Variants in MAST2 observed in about 807,000 individuals in gnomAD.
MAST2 encodes microtubule associated serine/threonine kinase 2.
MAST2 carries 70 observed loss-of-function variants against 147.4 expected under a neutral mutation model. That is an observed-to-expected ratio of 0.47 (90% confidence interval 0.39 to 0.58). The LOEUF (loss-of-function observed/expected upper bound fraction) is 0.58. MAST2 is among the 20% of genes least tolerant of loss of function. The pLI is 0.00. For missense variants in MAST2, 2,080 were observed against 2,302.3 expected, an observed-to-expected ratio of 0.90 and a Z score of 1.98; for synonymous variants, 869 against 896.8, an observed-to-expected ratio of 0.97 and a Z score of 0.55.
intron 2 of MAST2, among the ~76,000 whole-genome samples, chr1:45,827,935 C>T (rs1557810380): frequency 6.6e-6 from 1 of 152,028 alleles, no homozygotes; most frequent in Non-Finnish European, 1.5e-5. Context: ...AGGTGATCCT[C>T]CCCGCTTCTC....
At chr1:45,965,838 C>G (rs1661114246) in intron 5 of MAST2, among the ~76,000 whole-genome samples, 1 of 152,082 alleles carries the variant, frequency 6.6e-6, no homozygotes, top group South Asian at 2.1e-4. Context: ...ATTATCAGCT[C>G]CCTACCAGAG....
chr1:45,959,255 C>A, intron 4 of MAST2, 131 bp from the exon 5 acceptor site: 1 of 612,158 alleles, frequency 1.6e-6, no homozygotes, highest in Non-Finnish European at 2.9e-6. Flanking sequence ...AATTGCTGAC[C>A]CAGTTCAGTT....
intron 3 of MAST2, among the ~76,000 whole-genome samples, chr1:45,844,784 A>G (rs1003983858): frequency 6.6e-6 from 1 of 152,094 alleles, no homozygotes; most frequent in Non-Finnish European, 1.5e-5. Flanking sequence ...TTGTTGGTTG[A>G]TTGGTTTGTT....
chr1:46,001,785 GCTT>G (rs914320757), intron 6 of MAST2, among the ~76,000 whole-genome samples: 5 of 152,176 alleles, frequency 3.3e-5, no homozygotes, highest in East Asian at 1.9e-4. Context: ...ATTCCTTTTT[GCTT>G]CTTCTTCTCC....
At chr1:45,959,321 A>G in intron 4 of MAST2, 65 bp from the exon 5 acceptor site, 1 of 1,327,836 alleles carries the variant, frequency 7.5e-7, no homozygotes, top group Non-Finnish European at 1.1e-6. Context: ...TTCCTTAAAA[A>G]CCACTCAAGG....
At chr1:45,838,215 CTTTTTTTTT>C (rs61696475) in intron 3 of MAST2, among the ~76,000 whole-genome samples, 3 of 97,986 alleles carry the variant, frequency 3.1e-5, no homozygotes, top group African/African-American at 4.2e-5. Flanking sequence ...TATATATATT[CTTTTTTTTT>C]TTTTTTTTTT....
chr1:46,022,520 G>A (rs1411375947), intron 12 of MAST2, among the ~76,000 whole-genome samples: 5 of 152,300 alleles, frequency 3.3e-5, no homozygotes, highest in East Asian at 1.9e-4. Context: ...GCAACCATGG[G>A]CTTCCAAGTC....
At chr1:45,932,443 G>T (rs1014056007) in intron 4 of MAST2, among the ~76,000 whole-genome samples, 2 of 152,084 alleles carry the variant, frequency 1.3e-5, no homozygotes, top group African/African-American at 4.8e-5. Context: ...GCACTTTGAG[G>T]TGGGTGGATC....
chr1:46,008,357 G>A lies in MAST2; in HGVS notation c.964G>A (p.Glu322Lys). ...EIIMMNHVYK[E>K]RFPKATAQME... Reference sequence around the variant, plus strand: ...AATAATGATGAATCATGTTTACAAAGAAAGATTCCCAAAGGTAAGGATCCA... The same window carrying A: ...AATAATGATGAATCATGTTTACAAAAAAAGATTCCCAAAGGTAAGGATCCA... The change falls in exon 9 of 29, where the codon GAA (glutamate) becomes AAA (lysine). Residue 322 changes from glutamate to lysine, a missense_variant. Glu to Lys is a moderately conservative substitution (Grantham distance 56). This residue lies in a region of MAST2 where 569 missense variants were observed against 642.5 expected (regional missense o/e 0.89). Transcript: ENST00000361297. The A allele has an allele frequency of 1.9e-6, 3 of 1,612,342 alleles. No individual in the cohort carries two copies. The highest frequency in any genetic ancestry group is 1.7e-6 in the Non-Finnish European group (2 of 1,178,374).
chr1:46,030,709 C>G lies in MAST2; in HGVS notation c.2656C>G (p.Leu886Val), dbSNP rs764784970. The change falls in exon 22 of 29, where the codon CTG becomes GTG. Residue 886 changes from leucine (L) to valine (V), a missense_variant. Leu to Val is a conservative substitution (Grantham distance 32). Around this residue, in one of 4 missense-constraint regions of MAST2, gnomAD observed 1,278 missense variants for 1,304.2 expected, o/e 0.98. Coordinates refer to ENST00000361297, the MANE Select transcript of MAST2 (RefSeq NM_015112.3). ...SEEKEDHSDGLAGLKGRDRSW... is the reference protein window; with the variant it reads ...SEEKEDHSDGVAGLKGRDRSW... ...GGAGAAGGAGGACCATTCAGATGGC[C>G]TGGCAGGGCTCAAAGGCCGAGACCG... 4.4e-6 allele frequency: 7 copies of G among 1,603,762 alleles called. No homozygotes were observed. The highest frequency in any genetic ancestry group is 5.9e-6 in the Non-Finnish European group (7 of 1,176,698).
In MAST2 at chr1:46,030,109, G is replaced by C; in HGVS notation, c.2444-20G>C. ...CACCAGCAGGGCTCTGAAGGAAAGT[G>C]TCCTTTATGTCTGGCCCAGCCCGCT... On this transcript the variant is annotated intron_variant, in intron 20 of 28. Coordinates refer to ENST00000361297, the MANE Select transcript of MAST2 (RefSeq NM_015112.3). 6.2e-7 allele frequency: 1 copy of C among 1,612,864 alleles called. No individual in the cohort carries two copies.
intron 6 of MAST2, among the ~76,000 whole-genome samples, chr1:45,998,189 A>G (rs1645133116): frequency 6.6e-6 from 1 of 152,192 alleles, no homozygotes; most frequent in Admixed American, 6.5e-5. Context: ...ACCCAAAGTT[A>G]TACTCTTTGT....
chr1:46,033,837 G>A lies in MAST2; in HGVS notation c.3573G>A (p.Leu1191=). ...AGGTGGCCATTTCAACAACTCCCCTGGAGAACACATCCATTAAAGTGGGGC... is the reference window on the plus strand; with the variant it reads ...AGGTGGCCATTTCAACAACTCCCCTAGAGAACACATCCATTAAAGTGGGGC... ...GNKVAISTTP[L]ENTSIKVGPA... is the part of the protein sequence containing the mutation. The change falls in exon 27 of 29, where the codon CTG becomes CTA. Residue 1191 remains leucine (L), a synonymous_variant. Coordinates refer to ENST00000361297, the MANE Select transcript of MAST2 (RefSeq NM_015112.3). 6.2e-7 allele frequency: 1 copy of A among 1,614,190 alleles called. No individual in the cohort carries two copies. The highest frequency in any genetic ancestry group is 8.5e-7 in the Non-Finnish European group (1 of 1,180,020).
chr1:45,810,875 G>A (rs936203860), intron 1 of MAST2, among the ~76,000 whole-genome samples: 9 of 141,754 alleles, frequency 6.3e-5, no homozygotes, highest in Admixed American at 1.4e-4. Flanking sequence ...TTTTTTTTGA[G>A]GCAGTCTTGC....
intron 4 of MAST2, among the ~76,000 whole-genome samples, chr1:45,892,487 T>C (rs988660329): frequency 6.6e-6 from 1 of 152,248 alleles, no homozygotes; most frequent in African/African-American, 2.4e-5. Flanking sequence ...CTCATTTCAC[T>C]GGATCTTACG....
chr1:45,843,223 G>T (rs567207498), intron 3 of MAST2, among the ~76,000 whole-genome samples: 8 of 152,072 alleles, frequency 5.3e-5, no homozygotes, highest in Admixed American at 5.2e-4. Flanking sequence ...TGTTCTGTGT[G>T]TTGTCTTTTT....
intron 6 of MAST2, among the ~76,000 whole-genome samples, chr1:45,999,541 C>A (rs1042611955): frequency 6.6e-6 from 1 of 152,112 alleles, no homozygotes; most frequent in Non-Finnish European, 1.5e-5. Flanking sequence ...TAGAGTCAGG[C>A]GCACTCGGCT....
chr1:45,954,732 G>T (rs969953412), intron 4 of MAST2, among the ~76,000 whole-genome samples: 3 of 152,204 alleles, frequency 2.0e-5, no homozygotes, highest in Non-Finnish European at 4.4e-5. Flanking sequence ...ATCTGTAGCA[G>T]AGTGTCTGAC....
At chr1:45,899,339 T>C (rs1479912502) in intron 4 of MAST2, among the ~76,000 whole-genome samples, 3 of 111,134 alleles carry the variant, frequency 2.7e-5, no homozygotes, top group Non-Finnish European at 3.5e-5. Flanking sequence ...GATTCAGGGG[T>C]ACATGTGCAG....
Sources: allele counts gnomAD v4.1 joint callset (sites outside exome capture counted in the v4.1 genomes callset), GRCh38; gene constraint gnomAD v4.1.1; regional missense constraint gnomAD v4.1.1; transcripts MANE v1.5; gene names NCBI Gene and HGNC (gene_info 2026-07-23, HGNC 2026-07-21).